Variants in CPQ observed in about 807,000 individuals in gnomAD.
CPQ encodes Ser-Met dipeptidase.
CPQ carries 37 observed loss-of-function variants against 45.7 expected under a neutral mutation model. The ratio of observed to expected loss-of-function variants is 0.81; its 90% CI spans 0.62 to 1.07. The LOEUF is 1.07. CPQ is among the 50% of genes least tolerant of loss of function. The pLI is 0.00. For missense variants in CPQ, 537 were observed against 572.9 expected (o/e 0.94, Z 0.64); for synonymous variants, 186 against 205.8 (o/e 0.90, Z 0.82).
chr8:96,801,532 T>C (rs1811007827), intron 2 of CPQ, among the ~76,000 whole-genome samples: 2 of 152,188 alleles, frequency 1.3e-5, no homozygotes, highest in Non-Finnish European at 2.9e-5. Flanking sequence ...GTCATACATC[T>C]TTGCCATTGT....
intron 7 of CPQ, among the ~76,000 whole-genome samples, chr8:97,099,932 T>C (rs1306254346): frequency 3.3e-5 from 5 of 152,212 alleles, no homozygotes; most frequent in African/African-American, 1.2e-4. Context: ...CTCAAGTGTG[T>C]TTACTTGTCT....
chr8:96,968,504 C>A lies in CPQ; in HGVS notation c.961+2458C>A, dbSNP rs555038920. ...AGAAATATGCCCTTGGGCTTGAGGC[C>A]AAGAAATAGGTTCATAATTATATTA... On this transcript the variant is annotated intron_variant, in intron 5 of 7. Transcript: ENST00000220763. Among the ~76,000 whole-genome samples, 12 of 152,322 alleles carry A rather than the reference C, an allele frequency of 7.9e-5. No homozygotes were observed. In the South Asian group the frequency reaches 2.5e-3, roughly 32 times the overall value.
intron 1 of CPQ, among the ~76,000 whole-genome samples, chr8:96,732,078 T>C (rs1809920532): frequency 6.6e-6 from 1 of 152,026 alleles, no homozygotes; most frequent in African/African-American, 2.4e-5. Context: ...AGTCAGATGA[T>C]CTGTAATTGA....
intron 1 of CPQ, among the ~76,000 whole-genome samples, chr8:96,773,914 A>T (rs1202369925): frequency 1.3e-5 from 2 of 152,136 alleles, no homozygotes; most frequent in Non-Finnish European, 2.9e-5. Flanking sequence ...GCATGAGGAC[A>T]AAGCCCTCAT....
chr8:97,086,837 T>C (rs992914467), intron 7 of CPQ, among the ~76,000 whole-genome samples: 4 of 152,214 alleles, frequency 2.6e-5, no homozygotes, highest in African/African-American at 9.6e-5. Context: ...ATTAAATTTA[T>C]GGTACCTAAA....
At chr8:96,872,884 T>C (rs1812090057) in intron 3 of CPQ, among the ~76,000 whole-genome samples, 1 of 151,912 alleles carries the variant, frequency 6.6e-6, no homozygotes, top group African/African-American at 2.4e-5. Context: ...TAACTTTTCT[T>C]TTATCTTTAT....
intron 6 of CPQ, among the ~76,000 whole-genome samples, chr8:97,061,804 TG>T (rs1171809743): frequency 6.6e-6 from 1 of 152,124 alleles, no homozygotes; most frequent in Non-Finnish European, 1.5e-5. Flanking sequence ...ACAACAGTAA[TG>T]CTACTGTTTA....
chr8:96,882,608 G>C (rs959287659), intron 4 of CPQ, among the ~76,000 whole-genome samples: 3 of 152,146 alleles, frequency 2.0e-5, no homozygotes, highest in African/African-American at 2.4e-5. Context: ...CAGCTATGGA[G>C]TCTCAGAATC....
At chr8:96,682,702 T>G (rs928052639) in intron 1 of CPQ, among the ~76,000 whole-genome samples, 5 of 152,228 alleles carry the variant, frequency 3.3e-5, no homozygotes, top group African/African-American at 1.2e-4. Context: ...AATGACTTTC[T>G]TTGTCTCTTT....
At chr8:96,852,059 A>G (rs1202633268) in intron 3 of CPQ, among the ~76,000 whole-genome samples, 1 of 152,196 alleles carries the variant, frequency 6.6e-6, no homozygotes, top group Non-Finnish European at 1.5e-5. Context: ...GGCAGCTTCA[A>G]TCCGTTACCA....
chr8:97,087,922 GT>G (rs1811067058), intron 7 of CPQ, among the ~76,000 whole-genome samples: 1 of 152,096 alleles, frequency 6.6e-6, no homozygotes, highest in East Asian at 1.9e-4. Context: ...TAGGTATCTT[GT>G]TTTGATGATA....
intron 1 of CPQ, among the ~76,000 whole-genome samples, chr8:96,716,872 A>G (rs1809680670): frequency 6.6e-6 from 1 of 151,588 alleles, no homozygotes; most frequent in Non-Finnish European, 1.5e-5. Context: ...ACACCATTGT[A>G]GTCCAGCCTG....
chr8:96,696,464 A>G (rs1809385535), intron 1 of CPQ, among the ~76,000 whole-genome samples: 1 of 151,982 alleles, frequency 6.6e-6, no homozygotes, highest in Non-Finnish European at 1.5e-5. Context: ...AAAAAAAAGA[A>G]CTAGAAAAGC....
intron 5 of CPQ, among the ~76,000 whole-genome samples, chr8:96,968,871 C>T (rs933758954): frequency 6.6e-6 from 1 of 152,198 alleles, no homozygotes; most frequent in East Asian, 1.9e-4. Context: ...TAAATATAAT[C>T]AGTCTTTCCC....
At chr8:96,921,706 C>T (rs1195384840) in intron 4 of CPQ, among the ~76,000 whole-genome samples, 1 of 152,176 alleles carries the variant, frequency 6.6e-6, no homozygotes, top group African/African-American at 2.4e-5. Context: ...TACAGTACAC[C>T]TTTCCCCAAC....
chr8:97,042,261 G>A (rs1459722081), intron 6 of CPQ, among the ~76,000 whole-genome samples: 1 of 152,014 alleles, frequency 6.6e-6, no homozygotes, highest in Non-Finnish European at 1.5e-5. Flanking sequence ...AGATTTTCTA[G>A]TTTATTTGCG....
At chr8:96,843,008 C>A (rs1012965930) in intron 3 of CPQ, among the ~76,000 whole-genome samples, 1 of 152,132 alleles carries the variant, frequency 6.6e-6, no homozygotes, top group African/African-American at 2.4e-5. Context: ...CGGGTTCAAG[C>A]GATTCTCCGG....
chr8:96,882,289 G>C (rs1738858440), intron 4 of CPQ, among the ~76,000 whole-genome samples: 1 of 152,194 alleles, frequency 6.6e-6, no homozygotes, highest in Non-Finnish European at 1.5e-5. Flanking sequence ...GTAGAGAAAC[G>C]GTGGTTTCAA....
intron 1 of CPQ, among the ~76,000 whole-genome samples, chr8:96,671,885 G>GTTTA (rs1809008504): frequency 6.6e-6 from 1 of 151,936 alleles, no homozygotes; most frequent in Non-Finnish European, 1.5e-5. Flanking sequence ...TGAAAACTTG[G>GTTTA]GGCAACTAAA....
Sources: gnomAD v4.1 joint callset for allele counts (sites outside exome capture counted in the v4.1 genomes callset) on GRCh38, gnomAD v4.1.1 for gene constraint, MANE v1.5 for transcripts, NCBI Gene and HGNC (gene_info 2026-07-23, HGNC 2026-07-21) for gene names.